KIAA1549L: variants seen among roughly 807,000 people sequenced by gnomAD.
KIAA1549L encodes KIAA1549 like.
A neutral mutation model predicts 160.7 loss-of-function variants in KIAA1549L; 88 were observed. The ratio of observed to expected loss-of-function variants is 0.55; its 90% CI spans 0.46 to 0.65. The LOEUF is 0.65. Among genes scored for constraint, KIAA1549L ranks in the 30% least tolerant of loss-of-function variants. The pLI is 0.00. For missense variants in KIAA1549L, 2,258 were observed against 2,437.5 expected (o/e 0.93, Z 1.55); for synonymous variants, 950 against 976.7 (o/e 0.97, Z 0.51).
At chr11:33,627,243 C>T (rs1368330093) in intron 16 of KIAA1549L, among the ~76,000 whole-genome samples, 1 of 148,500 alleles carries the variant, frequency 6.7e-6, no homozygotes, top group African/African-American at 2.5e-5. Flanking sequence ...CTCTGCCCGG[C>T]GTTGGTATCA....
chr11:33,457,249 C>T (rs574382111), intron 1 of KIAA1549L, among the ~76,000 whole-genome samples: 2 of 152,286 alleles, frequency 1.3e-5, no homozygotes, highest in South Asian at 4.2e-4. Context: ...TGAATTCTTC[C>T]CCTCTCTTAA....
intron 20 of KIAA1549L, among the ~76,000 whole-genome samples, chr11:33,667,549 T>G (rs1415879124): frequency 1.3e-5 from 2 of 152,058 alleles, no homozygotes; most frequent in Non-Finnish European, 2.9e-5. Context: ...CATGCCACCA[T>G]GCCTGGCTAA....
chr11:33,457,176 G>T (rs1032550044), intron 1 of KIAA1549L, among the ~76,000 whole-genome samples: 8 of 152,170 alleles, frequency 5.3e-5, no homozygotes, highest in African/African-American at 1.4e-4. Flanking sequence ...AGAGGGGTTT[G>T]GGGGAGTGTT....
At chr11:33,550,606 C>T (rs1013295544) in intron 4 of KIAA1549L, among the ~76,000 whole-genome samples, 12 of 152,102 alleles carry the variant, frequency 7.9e-5, no homozygotes, top group African/African-American at 2.9e-4. Context: ...ACTCCTTGAC[C>T]GGTGCCCCCA....
At chr11:33,471,345 G>A (rs555775869) in intron 1 of KIAA1549L, among the ~76,000 whole-genome samples, 4 of 151,802 alleles carry the variant, frequency 2.6e-5, no homozygotes, top group South Asian at 2.1e-4. Flanking sequence ...GGTAAACTTA[G>A]CCACTTCATT....
intron 17 of KIAA1549L, among the ~76,000 whole-genome samples, chr11:33,651,329 C>G (rs1470947892): frequency 6.6e-6 from 1 of 151,646 alleles, no homozygotes; most frequent in African/African-American, 2.4e-5. Flanking sequence ...CCCAGCTACT[C>G]GGGAGGCTGA....
intron 19 of KIAA1549L, among the ~76,000 whole-genome samples, chr11:33,659,723 C>T (rs1852195990): frequency 6.6e-6 from 1 of 152,210 alleles, no homozygotes; most frequent in Admixed American, 6.5e-5. Context: ...TAAAAATACA[C>T]ACTCTCCTGG....
intron 19 of KIAA1549L, among the ~76,000 whole-genome samples, chr11:33,659,507 TAGTTTCCAG>T (rs1316171300): frequency 6.6e-6 from 1 of 152,238 alleles, no homozygotes; most frequent in Non-Finnish European, 1.5e-5. Context: ...GACATAATGG[TAGTTTCCAG>T]TTTTTTGCTA....
At position 33,674,076 on chromosome 11, in the gene KIAA1549L, A is replaced by G. The variant is rs1840468404; in HGVS notation, c.*5922A>G. 6.6e-6 allele frequency: 1 copy of G among 152,242 alleles called. No homozygotes were observed. Among genetic ancestry groups the G allele is most frequent in the Admixed American group, 6.5e-5 (1 of 15,280 alleles). 9.4% of individuals were successfully genotyped at this position (152,242 alleles called of 1,614,324 possible). Reference sequence around the variant, plus strand: ...GTTAGAATTTTTTATTGTAAAATAAAATGACAAAGGCTTTCATACCCCAAA... The same window carrying G: ...GTTAGAATTTTTTATTGTAAAATAAGATGACAAAGGCTTTCATACCCCAAA... On this transcript the variant is annotated 3_prime_UTR_variant, in exon 21 of 21. Transcript: ENST00000658780.
intron 1 of KIAA1549L, among the ~76,000 whole-genome samples, chr11:33,460,080 T>C (rs1457470965): frequency 6.6e-6 from 1 of 152,008 alleles, no homozygotes; most frequent in East Asian, 1.9e-4. Flanking sequence ...CTACTCTTCA[T>C]GGGAGCAATT....
intron 1 of KIAA1549L, among the ~76,000 whole-genome samples, chr11:33,523,826 A>G (rs1853552019): frequency 6.6e-6 from 1 of 152,178 alleles, no homozygotes; most frequent in South Asian, 2.1e-4. Flanking sequence ...ATTTTTATAT[A>G]ATTGCACAGA....
chr11:33,388,313 T>C (rs1253885946), intron 1 of KIAA1549L, among the ~76,000 whole-genome samples: 1 of 152,198 alleles, frequency 6.6e-6, no homozygotes, highest in Non-Finnish European at 1.5e-5. Flanking sequence ...CCATCAGATC[T>C]TGTGAGAACT....
chr11:33,513,356 T>A (rs1386677996), intron 1 of KIAA1549L, among the ~76,000 whole-genome samples: 1 of 152,210 alleles, frequency 6.6e-6, no homozygotes, highest in East Asian at 1.9e-4. Flanking sequence ...TGATGTTGTC[T>A]GCAGGGAGTC....
rs1338208996 is a variant in KIAA1549L at position 33,395,728 on chromosome 11, A to T, written c.238+18839A>T. 2.0e-5 allele frequency among the ~76,000 whole-genome samples: 3 copies of T among 152,214 alleles called. No homozygotes were observed. The East Asian group carries it at 5.8e-4, about 29-fold the overall frequency. ...GTAGACAAATGGTTGTTACCTCAAG[A>T]TAAGATTTTTTTTTCCTGTATGTAG... On this transcript the variant is annotated intron_variant, in intron 1 of 20. Coordinates refer to ENST00000658780, the MANE Select transcript of KIAA1549L (RefSeq NM_012194.3).
chr11:33,434,334 T>C lies in KIAA1549L; in HGVS notation c.238+57445T>C, dbSNP rs528819616. Among the ~76,000 whole-genome samples, 4 of 152,292 alleles carry C rather than the reference T, an allele frequency of 2.6e-5. No homozygotes were observed. In the South Asian group the frequency reaches 6.2e-4, roughly 24 times the overall value. ...ACTGCCATGTAAGATGTGACTTTGC[T>C]CCTCCTTTGCCTTCCACCATATTGT... On this transcript the variant is annotated intron_variant, in intron 1 of 20. Transcript: ENST00000658780.
chr11:33,602,985 G>A (rs754181824), intron 13 of KIAA1549L, among the ~76,000 whole-genome samples: 7 of 152,040 alleles, frequency 4.6e-5, no homozygotes, highest in African/African-American at 1.2e-4. Flanking sequence ...ACCTTACCCC[G>A]TTCAGTTTGG....
intron 1 of KIAA1549L, among the ~76,000 whole-genome samples, chr11:33,412,453 TTACAGACTTGC>T (rs1383685752): frequency 6.6e-6 from 1 of 152,224 alleles, no homozygotes; most frequent in Non-Finnish European, 1.5e-5. Flanking sequence ...ACTAACACCC[TTACAGACTTGC>T]TATAAATAAG....
At chr11:33,547,912 A>AT in intron 4 of KIAA1549L, 33 bp downstream of exon 4, 1 of 1,377,516 alleles carries the variant, frequency 7.3e-7, no homozygotes, top group Non-Finnish European at 1.0e-6. Flanking sequence ...AAGCTAATCC[A>AT]TCACAGTCTG....
At chr11:33,416,660 C>T (rs1239196554) in intron 1 of KIAA1549L, among the ~76,000 whole-genome samples, 2 of 152,098 alleles carry the variant, frequency 1.3e-5, no homozygotes, top group Non-Finnish European at 2.9e-5. Flanking sequence ...CTGTGGACTT[C>T]GGTATCCTTA....
Sources: allele counts gnomAD v4.1 joint callset (sites outside exome capture counted in the v4.1 genomes callset), GRCh38; gene constraint gnomAD v4.1.1; transcripts MANE v1.5; gene names NCBI Gene and HGNC (gene_info 2026-07-23, HGNC 2026-07-21).